Variants in CLEC12A observed in about 807,000 individuals in gnomAD.
The protein encoded by CLEC12A is C-type lectin domain family 12 member A, also known as C-type lectin protein CLL-1.
CLEC12A carries 22 observed loss-of-function variants against 26.5 expected under a neutral mutation model. The observed-to-expected ratio is 0.83, with a 90% CI of 0.59 to 1.19. The LOEUF (loss-of-function observed/expected upper bound fraction) is 1.19. Ranked by LOEUF, CLEC12A falls within the 50% of genes most tolerant of loss-of-function variation. The probability of loss-of-function intolerance (pLI) is 0.00; values close to 1 mark genes in which losing one functional copy is unlikely to be tolerated. For synonymous variants in CLEC12A, 119 were observed against 101.9 expected (o/e 1.17, Z -1.01); for missense variants, 353 against 315.6 (o/e 1.12, Z -0.90).
upstream of CLEC12A, among the ~76,000 whole-genome samples, chr12:9,968,602 G>A (rs1040280329): frequency 1.4e-4 from 22 of 152,234 alleles, no homozygotes; most frequent in African/African-American, 2.6e-4. Flanking sequence ...ATCAGTTAAC[G>A]CAGGAACCGG....
At chr12:9,966,621 G>GT (rs1334948629), upstream of CLEC12A, among the ~76,000 whole-genome samples, 1 of 151,980 alleles carries the variant, frequency 6.6e-6, no homozygotes, top group Non-Finnish European at 1.5e-5. Flanking sequence ...TGTGGCTGGG[G>GT]TTTGTCTCAC....
chr12:9,979,373 C>A lies in CLEC12A; in HGVS notation c.228C>A (p.Asn76Lys), dbSNP rs1203040846. ...TGAAGATAGAAATGAAAAAAATGAA[C>A]AAACTACAAAACATCAGTGAAGAGC... is the stretch of plus-strand genomic sequence containing the variant. ...VTLKIEMKKM[N>K]KLQNISEELQ... is the part of the protein sequence containing the mutation. The change falls in exon 3 of 6, where the codon AAC (asparagine) becomes AAA (lysine). Residue 76 changes from asparagine to lysine, a missense_variant. Transcript: ENST00000304361. The A allele has an allele frequency of 1.9e-6, 3 of 1,602,036 alleles. No homozygotes were observed. Among genetic ancestry groups the A allele is most frequent in the Admixed American group, 1.7e-5 (1 of 57,946 alleles).
At chr12:9,968,341 G>A (rs895156784), upstream of CLEC12A, among the ~76,000 whole-genome samples, 1 of 152,122 alleles carries the variant, frequency 6.6e-6, no homozygotes, top group Non-Finnish European at 1.5e-5. Flanking sequence ...TTTCACCTGG[G>A]TGCAGGTGGG....
downstream of CLEC12A, among the ~76,000 whole-genome samples, chr12:9,986,559 C>T (rs866120337): frequency 6.6e-6 from 1 of 152,028 alleles, no homozygotes; most frequent in Non-Finnish European, 1.5e-5. Context: ...GCCTGTAATC[C>T]CAGCACGTTG....
chr12:9,970,201 C>A (rs1393791752), upstream of CLEC12A, among the ~76,000 whole-genome samples: 3 of 144,634 alleles, frequency 2.1e-5, no homozygotes, highest in Non-Finnish European at 4.5e-5. Flanking sequence ...GCTTCTAATC[C>A]CACAGCATGT....
rs1461640968 is a variant in CLEC12A at position 9,985,561 on chromosome 12, T to C, written c.*535T>C. ...TTATTACCTCTTAAAATTATTATTT[T>C]AAGTAAAAGCCAATAAACAAAAACG... On this transcript the variant is annotated 3_prime_UTR_variant, in exon 6 of 6. Coordinates refer to ENST00000304361, the MANE Select transcript of CLEC12A (RefSeq NM_138337.6). 7.5e-6 allele frequency: 3 copies of C among 398,408 alleles called. No homozygotes were observed. The highest frequency in any genetic ancestry group is 2.1e-5 in the African/African-American group (1 of 48,612). 24.7% of individuals were successfully genotyped at this position (398,408 alleles called of 1,614,324 possible).
At chr12:9,981,863 G>C (rs1864570750) in intron 4 of CLEC12A, among the ~76,000 whole-genome samples, 157 bp from the exon 5 acceptor site, 1 of 152,086 alleles carries the variant, frequency 6.6e-6, no homozygotes, top group Non-Finnish European at 1.5e-5. Flanking sequence ...TTGTAGTAAG[G>C]AGTACTTTCT....
chr12:9,971,301 G>A, upstream of CLEC12A: 1 of 621,634 alleles, frequency 1.6e-6, no homozygotes. Context: ...ACTACTTTCT[G>A]TAGTTGGTAA....
chr12:10,003,054 T>C, the CLEC12A span, among the ~76,000 whole-genome samples: 1 of 152,210 alleles, frequency 6.6e-6, no homozygotes, highest in Non-Finnish European at 1.5e-5. Context: ...GTTATAATGA[T>C]TCCAGACAGA....
the CLEC12A span, among the ~76,000 whole-genome samples, chr12:10,002,493 A>C: frequency 2.8e-5 from 4 of 142,138 alleles, no homozygotes; most frequent in African/African-American, 7.9e-5. Context: ...CCCAGGCTGG[A>C]GTGCAGTGGC....
rs113747159 is a variant in CLEC12A at position 9,959,744 on chromosome 12, T to C, written c.10+8388T>C. On this transcript the variant is annotated intron_variant, in intron 1 of 6. Transcript: ENST00000355690. Reference sequence around the variant, plus strand: ...GGCATATTCCAAGGAGACCTCAGTTTCCAAGAGATAAATCTTACCTGGGAA... The same window carrying C: ...GGCATATTCCAAGGAGACCTCAGTTCCCAAGAGATAAATCTTACCTGGGAA... Among the ~76,000 whole-genome samples, 194 of 152,272 alleles carry C rather than the reference T, an allele frequency of 1.3e-3. 1 individual carries two copies. The highest frequency in any genetic ancestry group is 4.5e-3 in the African/African-American group (189 of 41,550).
chr12:9,970,180 AC>A (rs1333556636), upstream of CLEC12A, among the ~76,000 whole-genome samples: 1 of 151,996 alleles, frequency 6.6e-6, no homozygotes, highest in Non-Finnish European at 1.5e-5. Context: ...TTCTTTTTAT[AC>A]AGTATTGACG....
intron 4 of CLEC12A, chr12:9,992,941 G>A: frequency 2.1e-6 from 1 of 484,798 alleles, no homozygotes; most frequent in Non-Finnish European, 3.7e-6. Context: ...AGAACAATTG[G>A]GAAGCAAATG....
chr12:10,002,083 G>C, the CLEC12A span, among the ~76,000 whole-genome samples: 1 of 151,846 alleles, frequency 6.6e-6, no homozygotes, highest in African/African-American at 2.4e-5. Flanking sequence ...CGGTTTCACC[G>C]TGTTAGTCAG....
downstream of CLEC12A, chr12:9,997,167 G>T (rs1591851814): frequency 6.2e-7 from 1 of 1,613,898 alleles, no homozygotes; most frequent in Non-Finnish European, 8.5e-7. Context: ...TACTGAAAGT[G>T]CCCTTTAGTT....
chr12:9,957,479 A>G (rs1419886869), intron 1 of CLEC12A, among the ~76,000 whole-genome samples: 3 of 138,730 alleles, frequency 2.2e-5, no homozygotes, highest in Admixed American at 7.4e-5. Context: ...TGACAGAGTG[A>G]GACTTCATCT....
intron 1 of CLEC12A, among the ~76,000 whole-genome samples, chr12:9,955,943 C>T (rs1863735968): frequency 6.6e-6 from 1 of 152,030 alleles, no homozygotes; most frequent in Admixed American, 6.5e-5. Context: ...AATATTTCAG[C>T]ATCAGACCAT....
intron 1 of CLEC12A, among the ~76,000 whole-genome samples, chr12:9,974,055 A>C (rs1864237396): frequency 6.6e-6 from 1 of 152,152 alleles, no homozygotes; most frequent in Admixed American, 6.6e-5. Context: ...GTTCTCAACC[A>C]ACTCTATTAG....
chr12:9,957,096 G>A (rs1266120103), intron 1 of CLEC12A, among the ~76,000 whole-genome samples: 1 of 152,206 alleles, frequency 6.6e-6, no homozygotes, highest in Non-Finnish European at 1.5e-5. Flanking sequence ...GTAGGGATAT[G>A]TGCCTGAAAC....
Sources: allele counts gnomAD v4.1 joint callset (sites outside exome capture counted in the v4.1 genomes callset), GRCh38; gene constraint gnomAD v4.1.1; transcripts MANE v1.5; gene names NCBI Gene and HGNC (gene_info 2026-07-23, HGNC 2026-07-21).